Variants in CACNA1C observed in about 807,000 individuals in gnomAD.
CACNA1C encodes the protein calcium voltage-gated channel subunit alpha1 C.
A neutral mutation model predicts 229.0 loss-of-function variants in CACNA1C; 30 were observed. The observed-to-expected ratio is 0.13, with a 90% CI of 0.10 to 0.18. The LOEUF is 0.18. Ranked by LOEUF, CACNA1C falls within the 10% of genes least tolerant of loss-of-function variation. The pLI, the probability that CACNA1C is intolerant of heterozygous loss-of-function variation, is 1.00. For missense variants in CACNA1C, 1,658 were observed against 2,845.0 expected, an observed-to-expected ratio of 0.58 and a Z score of 9.49; for synonymous variants, 1,114 against 1,132.5, an observed-to-expected ratio of 0.98 and a Z score of 0.33.
chr12:2,345,471 G>A (rs1024256765), intron 3 of CACNA1C, among the ~76,000 whole-genome samples: 1 of 152,212 alleles, frequency 6.6e-6, no homozygotes, highest in Admixed American at 6.5e-5. Context: ...AATATTAAAT[G>A]CTTTATTACA....
intron 9 of CACNA1C, among the ~76,000 whole-genome samples, chr12:2,536,046 A>G (rs1448696674): frequency 1.3e-5 from 2 of 152,240 alleles, no homozygotes; most frequent in African/African-American, 2.4e-5. Context: ...GGAAGGGAAG[A>G]CACAAATGAG....
At chr12:2,279,589 G>A (rs2090279882) in intron 3 of CACNA1C, among the ~76,000 whole-genome samples, 1 of 152,210 alleles carries the variant, frequency 6.6e-6, no homozygotes, top group Admixed American at 6.5e-5. Context: ...CCTAGTGATA[G>A]CCTTTGCGCT....
At chr12:2,351,915 A>G (rs536602818) in intron 3 of CACNA1C, among the ~76,000 whole-genome samples, 29 of 152,342 alleles carry the variant, frequency 1.9e-4, no homozygotes, top group African/African-American at 6.7e-4. Flanking sequence ...GGCTCTGGAA[A>G]GTCCTGAGGA....
chr12:2,135,762 T>C (rs1197289832), intron 3 of CACNA1C, among the ~76,000 whole-genome samples: 1 of 146,560 alleles, frequency 6.8e-6, no homozygotes, highest in Non-Finnish European at 1.5e-5. Flanking sequence ...GTCTTTTTGT[T>C]TGTCTGTGCC....
intron 15 of CACNA1C, among the ~76,000 whole-genome samples, chr12:2,583,529 G>A (rs917490826): frequency 6.6e-6 from 1 of 152,174 alleles, no homozygotes; most frequent in Non-Finnish European, 1.5e-5. Context: ...TCATAACCCC[G>A]AGAGAGTCAC....
chr12:2,416,388 G>A (rs1313799722), intron 3 of CACNA1C, among the ~76,000 whole-genome samples: 1 of 152,244 alleles, frequency 6.6e-6, no homozygotes, highest in South Asian at 2.1e-4. Context: ...GAAGGAAGGA[G>A]GGAGGAAAAG....
chr12:2,249,005 T>A (rs1367726859), intron 3 of CACNA1C, among the ~76,000 whole-genome samples: 1 of 152,220 alleles, frequency 6.6e-6, no homozygotes, highest in Non-Finnish European at 1.5e-5. Flanking sequence ...ATTATGGCCA[T>A]GCTTGACTGG....
chr12:2,177,624 CCT>C lies in CACNA1C; in HGVS notation c.477+57195_477+57196del, dbSNP rs1255674073. Among the ~76,000 whole-genome samples the C allele has an allele frequency of 1.7e-3, 186 of 110,042 alleles. 6 individuals carry two copies. The highest frequency in any genetic ancestry group is 9.1e-3 in the East Asian group (26 of 2,856). 72.2% of individuals were successfully genotyped at this position (110,042 alleles called of 152,430 possible). ...TCCTTCCTTCCTTCCTTCCTTCCTT[CCT>C]TCTCTCTCTCTTTCTTTCTTTCTTT... On this transcript the variant is annotated intron_variant, in intron 3 of 46. Transcript: ENST00000399655.
At chr12:2,482,744 A>C (rs1419252929) in intron 5 of CACNA1C, among the ~76,000 whole-genome samples, 1 of 152,134 alleles carries the variant, frequency 6.6e-6, no homozygotes, top group Non-Finnish European at 1.5e-5. Context: ...CCTTCAGATA[A>C]GCCTGTTTCT....
intron 9 of CACNA1C, among the ~76,000 whole-genome samples, chr12:2,543,220 A>G (rs1294176126): frequency 6.6e-6 from 1 of 152,256 alleles, no homozygotes; most frequent in Non-Finnish European, 1.5e-5. Context: ...TCCCAGATCC[A>G]TTCAATAAAG....
chr12:2,555,853 C>T (rs996684983), intron 10 of CACNA1C, among the ~76,000 whole-genome samples: 1 of 152,184 alleles, frequency 6.6e-6, no homozygotes, highest in Admixed American at 6.5e-5. Context: ...TCTTGCTCTG[C>T]GACACAGCTA....
intron 1 of CACNA1C, among the ~76,000 whole-genome samples, chr12:2,098,927 G>A (rs534769222): frequency 4.1e-4 from 62 of 152,308 alleles, no homozygotes; most frequent in Non-Finnish European, 7.2e-4. Context: ...ACATTGAGGC[G>A]TGGAGAGCAT....
intron 3 of CACNA1C, among the ~76,000 whole-genome samples, chr12:2,411,360 A>T (rs1025803478): frequency 2.6e-5 from 4 of 152,072 alleles, no homozygotes; most frequent in African/African-American, 9.7e-5. Context: ...CAGGTGAAAG[A>T]CCTGTTAGAA....
intron 3 of CACNA1C, among the ~76,000 whole-genome samples, chr12:2,352,309 C>T (rs973869884): frequency 6.6e-6 from 1 of 152,292 alleles, no homozygotes; most frequent in Non-Finnish European, 1.5e-5. Flanking sequence ...TATGGTGAGA[C>T]CTCAATTGAC....
At chr12:2,424,236 C>T (rs1012294142) in intron 3 of CACNA1C, among the ~76,000 whole-genome samples, 3 of 152,156 alleles carry the variant, frequency 2.0e-5, no homozygotes, top group Non-Finnish European at 2.9e-5. Flanking sequence ...CAAATTCCTA[C>T]GTGACTCAGT....
chr12:2,469,502 C>T (rs970773414), intron 5 of CACNA1C, among the ~76,000 whole-genome samples: 3 of 152,222 alleles, frequency 2.0e-5, no homozygotes. Context: ...AAGTTGTAGA[C>T]ATCTTCCTTC....
At chr12:2,682,006 C>T in intron 42 of CACNA1C, 1 of 1,611,868 alleles carries the variant, frequency 6.2e-7, no homozygotes, top group Non-Finnish European at 8.5e-7. Context: ...TCAGGCTCAG[C>T]AGGGACTCAG....
At position 2,652,653 on chromosome 12, in the gene CACNA1C, G is replaced by A. The variant is rs866041174; in HGVS notation, c.4074+885G>A. 9.2e-5 allele frequency among the ~76,000 whole-genome samples: 14 copies of A among 152,306 alleles called. No homozygotes were observed. In the East Asian group the frequency reaches 1.2e-3, roughly 13 times the overall value. ...CTGGTCCAGGTGAGGAAAGATGCCC[G>A]TCCCCGCTCTGCCCCCAGCAGCCTC... On this transcript the variant is annotated intron_variant, in intron 32 of 46. Transcript: ENST00000399655.
chr12:2,437,707 G>T (rs182287381), intron 3 of CACNA1C, among the ~76,000 whole-genome samples: 44 of 152,164 alleles, frequency 2.9e-4, no homozygotes, highest in African/African-American at 1.1e-3. Context: ...TGGTGGCAAT[G>T]ATGGTAATGG....
Sources: gnomAD v4.1 joint callset for allele counts (sites outside exome capture counted in the v4.1 genomes callset) on GRCh38, gnomAD v4.1.1 for gene constraint, MANE v1.5 for transcripts, NCBI Gene and HGNC (gene_info 2026-07-23, HGNC 2026-07-21) for gene names.